The following TARS3 variants were observed in gnomAD, a reference collection of about 807,000 sequenced individuals.
The protein encoded by TARS3 is threonyl-tRNA synthetase 3.
A neutral mutation model predicts 103.5 loss-of-function variants in TARS3; 94 were observed. That is an observed-to-expected ratio of 0.91 (90% CI 0.77 to 1.08). The LOEUF is 1.08. Among genes scored for constraint, TARS3 ranks in the 50% least tolerant of loss-of-function variants. TARS3 has a pLI of 0.00. For missense variants in TARS3, 952 were observed against 995.2 expected (o/e 0.96, Z 0.58); for synonymous variants, 416 against 355.4 (o/e 1.17, Z -1.92).
chr15:101,677,092 G>A (rs142546881), intron 12 of TARS3, among the ~76,000 whole-genome samples: 2 of 152,266 alleles, frequency 1.3e-5, no homozygotes, highest in East Asian at 3.9e-4. Context: ...AGTTTGCTGA[G>A]GATAATGGCT....
intron 3 of TARS3, among the ~76,000 whole-genome samples, chr15:101,720,306 T>C (rs929648241): frequency 2.0e-5 from 3 of 152,350 alleles, no homozygotes; most frequent in African/African-American, 7.2e-5. Context: ...CAATAGCTTC[T>C]ATACAATTGT....
At chr15:101,678,337 T>TA (rs1898116443) in intron 12 of TARS3, among the ~76,000 whole-genome samples, 1 of 152,238 alleles carries the variant, frequency 6.6e-6, no homozygotes, top group African/African-American at 2.4e-5. Context: ...TTAGACCATT[T>TA]ACACTTAATA....
At position 101,671,677 on chromosome 15, in the gene TARS3, G is replaced by C. The variant is rs190164564; in HGVS notation, c.1860C>G (p.Gly620=). Residue 620 remains glycine (G), a synonymous_variant, in exon 14 of 19, where the codon GGC becomes GGG. Transcript: ENST00000335968. ...KMNPGDGAFY[G]PKIDIKIKDA... ...AAGCATGTGGTCGACTCACTTTAGG[G>C]CCATAAAATGCTCCATCTCCTGGGT... 9.9e-6 allele frequency: 16 copies of C among 1,613,978 alleles called. No homozygotes were observed. In the Admixed American group the frequency reaches 1.2e-4, roughly 12 times the overall value.
chr15:101,654,796 T>A, intron 18 of TARS3, 66 bp from the exon 19 acceptor site: 1 of 1,451,256 alleles, frequency 6.9e-7, no homozygotes, highest in Admixed American at 2.1e-5. Context: ...AAGTCAGCAG[T>A]CCCATGACAT....
chr15:101,704,368 C>T (rs561776192), intron 7 of TARS3, among the ~76,000 whole-genome samples: 1 of 152,214 alleles, frequency 6.6e-6, no homozygotes, highest in East Asian at 1.9e-4. Context: ...CATAGAAAGT[C>T]ACAGGGCCGG....
chr15:101,665,765 T>A (rs1252111223), intron 15 of TARS3, among the ~76,000 whole-genome samples: 1 of 152,220 alleles, frequency 6.6e-6, no homozygotes, highest in Non-Finnish European at 1.5e-5. Flanking sequence ...TCACCCAGAT[T>A]GAAGTTTTAA....
chr15:101,699,418 G>A (rs1899144330), intron 10 of TARS3: 1 of 455,826 alleles, frequency 2.2e-6, no homozygotes, highest in Admixed American at 2.4e-5. Context: ...CTGTTCATCA[G>A]CCACATCTGT....
At chr15:101,661,516 C>T (rs1291142445) in intron 16 of TARS3, among the ~76,000 whole-genome samples, 196 bp downstream of exon 16, 1 of 151,804 alleles carries the variant, frequency 6.6e-6, no homozygotes, top group Non-Finnish European at 1.5e-5. Flanking sequence ...TCTGGCAAAT[C>T]GAATAAGAAT....
chr15:101,717,718 A>C (rs1044696173), intron 3 of TARS3, among the ~76,000 whole-genome samples: 1 of 152,228 alleles, frequency 6.6e-6, no homozygotes, highest in Non-Finnish European at 1.5e-5. Context: ...AAGATGGGAG[A>C]AATCTGGGTC....
intron 3 of TARS3, among the ~76,000 whole-genome samples, chr15:101,717,941 G>C (rs1900237164): frequency 6.6e-6 from 1 of 152,236 alleles, no homozygotes; most frequent in African/African-American, 2.4e-5. Context: ...CAGACTGGCA[G>C]TGAGTAACAA....
intron 10 of TARS3, among the ~76,000 whole-genome samples, chr15:101,700,056 T>C (rs1407955643): frequency 6.6e-6 from 1 of 152,168 alleles, no homozygotes; most frequent in Non-Finnish European, 1.5e-5. Context: ...ACTGAGCAAT[T>C]ACCTGAATCA....
chr15:101,687,504 A>C lies in TARS3; in HGVS notation c.1321-1442T>G, dbSNP rs1356003770. Among the ~76,000 whole-genome samples, 3 of 152,270 alleles carry C rather than the reference A, an allele frequency of 2.0e-5. No individual in the cohort carries two copies. The East Asian group carries it at 5.8e-4, about 29-fold the overall frequency. ...ATATATTCAGATTAAACAAGGTCCC[A>C]GAAATTAAGGGTGAGTGTGTGGGTG... is the stretch of plus-strand genomic sequence containing the variant. On this transcript the variant is annotated intron_variant, in intron 10 of 18. Transcript: ENST00000335968.
rs774812534 is a variant in TARS3, at chr15:101,724,254, G to C, written c.134C>G (p.Ala45Gly). Residue 45 changes from alanine to glycine, a missense_variant, in exon 1 of 19, where the codon GCG (alanine) becomes GGG (glycine). Physicochemically the swap from Ala to Gly is moderately conservative, Grantham distance 60. Transcript: ENST00000335968. Reference sequence around the variant, plus strand: ...CTCCCGCGTGAGGCACGGCCCCTCCGCCTGGCAGCTGTAGGGCGCGTTCAG... The same window carrying C: ...CTCCCGCGTGAGGCACGGCCCCTCCCCCTGGCAGCTGTAGGGCGCGTTCAG... Reference protein sequence around the residue: ...EQLNAPYSCQAEGPCLTREVA... With the variant: ...EQLNAPYSCQGEGPCLTREVA... 5.8e-6 allele frequency: 9 copies of C among 1,560,630 alleles called. No homozygotes were observed. The highest frequency in any genetic ancestry group is 7.8e-6 in the Non-Finnish European group (9 of 1,160,248).
At chr15:101,715,512 T>C (rs1351561272) in intron 3 of TARS3, among the ~76,000 whole-genome samples, 5 of 152,232 alleles carry the variant, frequency 3.3e-5, no homozygotes, top group Non-Finnish European at 7.3e-5. Context: ...AAATCACACA[T>C]AAATATCATA....
intron 12 of TARS3, among the ~76,000 whole-genome samples, chr15:101,683,345 C>G (rs1334075679): frequency 6.6e-6 from 1 of 152,122 alleles, no homozygotes; most frequent in African/African-American, 2.4e-5. Context: ...TTTGTGTTAT[C>G]TATTTTTAAT....
chr15:101,677,878 C>A (rs1040583460), intron 12 of TARS3, among the ~76,000 whole-genome samples: 2 of 152,136 alleles, frequency 1.3e-5, no homozygotes, highest in African/African-American at 2.4e-5. Context: ...GTGATCCACC[C>A]ACCTCAGCCT....
At position 101,685,995 on chromosome 15, in the gene TARS3, T is replaced by G; in HGVS notation, c.1388A>C (p.Glu463Ala). The change falls in exon 11 of 19, where the codon GAA becomes GCA. Residue 463 changes from glutamate (E) to alanine (A), a missense_variant. By Grantham distance (107) the Glu-to-Ala change is moderately radical. Coordinates refer to ENST00000335968, the MANE Select transcript of TARS3 (RefSeq NM_152334.3). ...GTAATGCTGCCAGTGGCCTGAGGCT[T>G]CCCAGAGTTTACTGTTGTACATATT... is the stretch of plus-strand genomic sequence containing the variant. ...SPNMYNSKLW[E>A]ASGHWQHYSE... The G allele has an allele frequency of 6.2e-7, 1 of 1,614,094 alleles. No individual in the cohort carries two copies. The highest frequency in any genetic ancestry group is 8.5e-7 in the Non-Finnish European group (1 of 1,179,956).
At chr15:101,707,096 C>T (rs565043107) in intron 6 of TARS3, among the ~76,000 whole-genome samples, 9 of 152,126 alleles carry the variant, frequency 5.9e-5, no homozygotes, top group African/African-American at 1.9e-4. Context: ...ACCATTAGTA[C>T]GTCATCAGAG....
At chr15:101,697,751 A>G (rs1899050892) in intron 10 of TARS3, among the ~76,000 whole-genome samples, 1 of 152,118 alleles carries the variant, frequency 6.6e-6, no homozygotes, top group Non-Finnish European at 1.5e-5. Context: ...GCACCTAGTA[A>G]GGCTTCTGAA....
Sources: gnomAD v4.1 joint callset for allele counts (sites outside exome capture counted in the v4.1 genomes callset) on GRCh38, gnomAD v4.1.1 for gene constraint, MANE v1.5 for transcripts, NCBI Gene and HGNC (gene_info 2026-07-23, HGNC 2026-07-21) for gene names.